The following MDGA2 variants were observed in gnomAD, a reference collection of about 807,000 sequenced individuals.
MDGA2 encodes MAM domain-containing glycosylphosphatidylinositol anchor protein 2.
A neutral mutation model predicts 117.8 loss-of-function variants in MDGA2; 40 were observed. That is an observed-to-expected ratio of 0.34 (90% CI 0.26 to 0.44). The LOEUF is 0.44. Ranked by LOEUF, MDGA2 falls within the 20% of genes least tolerant of loss-of-function variation. The pLI is 1.00. For missense variants in MDGA2, 1,123 were observed against 1,250.6 expected (o/e 0.90, Z 1.54); for synonymous variants, 452 against 439.0 (o/e 1.03, Z -0.37).
intron 1 of MDGA2, among the ~76,000 whole-genome samples, chr14:47,310,264 A>C (rs1889592773): frequency 6.6e-6 from 1 of 152,118 alleles, no homozygotes; most frequent in South Asian, 2.1e-4. Context: ...TCTAAGGTTC[A>C]TAACATTCTT....
At chr14:46,959,221 T>C (rs957490710) in intron 8 of MDGA2, among the ~76,000 whole-genome samples, 5 of 143,830 alleles carry the variant, frequency 3.5e-5, no homozygotes. Flanking sequence ...TTTATCACTA[T>C]AATCTCTTTT....
At chr14:47,172,355 C>T (rs1282343052) in intron 3 of MDGA2, among the ~76,000 whole-genome samples, 1 of 151,792 alleles carries the variant, frequency 6.6e-6, no homozygotes. Context: ...TCAAGTGGGT[C>T]CCTGACCCCT....
At chr14:46,913,711 G>A (rs1045680114) in intron 10 of MDGA2, among the ~76,000 whole-genome samples, 1 of 152,126 alleles carries the variant, frequency 6.6e-6, no homozygotes, top group African/African-American at 2.4e-5. Context: ...ACAAACAAAT[G>A]AAGTTTGCAC....
intron 8 of MDGA2, among the ~76,000 whole-genome samples, chr14:47,024,464 T>C (rs910856379): frequency 1.2e-4 from 18 of 152,284 alleles, no homozygotes; most frequent in Middle Eastern, 3.4e-3. Context: ...GGCAAATAAC[T>C]TATAAGAATG....
intron 2 of MDGA2, among the ~76,000 whole-genome samples, chr14:47,256,554 T>C (rs1480096834): frequency 6.6e-6 from 1 of 152,184 alleles, no homozygotes; most frequent in Non-Finnish European, 1.5e-5. Context: ...CACGGAAGTA[T>C]GCATCTTGCA....
chr14:47,505,202 A>G (rs1266085489), intron 1 of MDGA2, among the ~76,000 whole-genome samples: 1 of 152,156 alleles, frequency 6.6e-6, no homozygotes, highest in Non-Finnish European at 1.5e-5. Flanking sequence ...GTTGTCAGAA[A>G]GGGGAGAGGG....
intron 1 of MDGA2, among the ~76,000 whole-genome samples, chr14:47,476,215 A>G (rs572267509): frequency 6.6e-6 from 1 of 152,322 alleles, no homozygotes; most frequent in African/African-American, 2.4e-5. Flanking sequence ...GGACATGAAG[A>G]AAAGGGCAGT....
chr14:47,083,235 A>G (rs115940987), intron 6 of MDGA2, among the ~76,000 whole-genome samples: 1 of 152,182 alleles, frequency 6.6e-6, no homozygotes, highest in African/African-American at 2.4e-5. Flanking sequence ...GCTCATAACA[A>G]TCCAAGCACA....
At position 47,142,941 on chromosome 14, in the gene MDGA2, A is replaced by G. The variant is rs1346362408; in HGVS notation, c.792+1137T>C. Among the ~76,000 whole-genome samples, 4 of 152,226 alleles carry G rather than the reference A, an allele frequency of 2.6e-5. No homozygotes were observed. In the South Asian group the frequency reaches 6.2e-4, roughly 24 times the overall value. On this transcript the variant is annotated intron_variant, in intron 4 of 16. Coordinates refer to ENST00000399232, the MANE Select transcript of MDGA2 (RefSeq NM_001113498.3). ...TAAAGAATACATATTTTAATTTACAATCTATTTGCAAAACAGGAATATATA... is the reference window on the plus strand; with the variant it reads ...TAAAGAATACATATTTTAATTTACAGTCTATTTGCAAAACAGGAATATATA...
intron 2 of MDGA2, among the ~76,000 whole-genome samples, chr14:47,297,793 A>G (rs753858861): frequency 6.6e-6 from 1 of 152,212 alleles, no homozygotes; most frequent in Non-Finnish European, 1.5e-5. Context: ...ATTGATTTAA[A>G]TGCATGTAAT....
At chr14:47,489,703 A>G (rs1002366600) in intron 1 of MDGA2, among the ~76,000 whole-genome samples, 7 of 152,110 alleles carry the variant, frequency 4.6e-5, no homozygotes, top group Non-Finnish European at 1.0e-4. Flanking sequence ...ACCATCTTAT[A>G]AAGGGAAAAT....
intron 1 of MDGA2, among the ~76,000 whole-genome samples, chr14:47,462,226 A>G (rs1050798152): frequency 6.6e-6 from 1 of 152,018 alleles, no homozygotes; most frequent in African/African-American, 2.4e-5. Context: ...AATACAAAAA[A>G]TTAGCTGGGC....
intron 1 of MDGA2, among the ~76,000 whole-genome samples, chr14:47,423,897 T>G (rs1451605138): frequency 1.3e-5 from 2 of 152,088 alleles, no homozygotes; most frequent in Non-Finnish European, 2.9e-5. Flanking sequence ...CTGCAACCTC[T>G]GCCTCCCGGG....
chr14:47,325,790 A>C (rs1180947690), intron 1 of MDGA2, among the ~76,000 whole-genome samples: 1 of 152,140 alleles, frequency 6.6e-6, no homozygotes, highest in African/African-American at 2.4e-5. Context: ...GGGCCAAACG[A>C]GCAAGAGCTT....
intron 1 of MDGA2, among the ~76,000 whole-genome samples, chr14:47,550,046 T>C (rs1452229062): frequency 6.6e-6 from 1 of 152,214 alleles, no homozygotes. Context: ...ATTGTTAGCA[T>C]ACTTTAAAAA....
intron 1 of MDGA2, among the ~76,000 whole-genome samples, chr14:47,519,251 A>C (rs1327401217): frequency 6.6e-6 from 1 of 152,102 alleles, no homozygotes; most frequent in East Asian, 1.9e-4. Context: ...CTACCAATTA[A>C]AATATTTTTA....
At chr14:47,614,095 CTTTTTTTT>C (rs768294746) in intron 1 of MDGA2, among the ~76,000 whole-genome samples, 5 of 101,680 alleles carry the variant, frequency 4.9e-5, no homozygotes, top group South Asian at 6.3e-4. Flanking sequence ...TTTCTTTTTT[CTTTTTTTT>C]TTTTTTTTTG....
intron 1 of MDGA2, among the ~76,000 whole-genome samples, chr14:47,501,403 C>A (rs927740773): frequency 6.6e-6 from 1 of 152,020 alleles, no homozygotes; most frequent in South Asian, 2.1e-4. Context: ...TATTTTAGAG[C>A]AAATCAAGGA....
At chr14:47,124,905 C>T (rs545443913) in intron 5 of MDGA2, among the ~76,000 whole-genome samples, 1 of 152,216 alleles carries the variant, frequency 6.6e-6, no homozygotes, top group South Asian at 2.1e-4. Context: ...GACCTCTAGA[C>T]CTATGAGAAT....
Sources: allele counts gnomAD v4.1 joint callset (sites outside exome capture counted in the v4.1 genomes callset), GRCh38; gene constraint gnomAD v4.1.1; transcripts MANE v1.5; gene names NCBI Gene and HGNC (gene_info 2026-07-23, HGNC 2026-07-21).